GPR39: variants seen among roughly 807,000 people sequenced by gnomAD.
GPR39 encodes the protein zinc sensing receptor.
In GPR39, 23 loss-of-function variants were observed where a neutral mutation model predicts 18.4. The ratio of observed to expected loss-of-function variants is 1.25; its 90% CI spans 0.90 to 1.77. GPR39 has a LOEUF of 1.77. GPR39 is among the 40% of genes most tolerant of loss of function. The pLI is 0.00. For missense variants in GPR39, 647 were observed against 602.4 expected, an observed-to-expected ratio of 1.07 and a Z score of -0.78; for synonymous variants, 280 against 257.9, an observed-to-expected ratio of 1.09 and a Z score of -0.82.
chr2:132,635,956 C>A (rs772347717), intron 1 of GPR39, among the ~76,000 whole-genome samples: 3 of 152,154 alleles, frequency 2.0e-5, no homozygotes, highest in African/African-American at 4.8e-5. Flanking sequence ...AGCACCAAAT[C>A]GGCTGGCACG....
Position 132,554,744 on chromosome 2 carries a change from C to T in GPR39, c.857-90357C>T, listed in dbSNP as rs539070966. On this transcript the variant is annotated intron_variant, in intron 1 of 1. Coordinates refer to ENST00000329321, the MANE Select transcript of GPR39 (RefSeq NM_001508.3). ...GAAAACTTGACTTTGCAGCACGGCT[C>T]ATTTCTCAAAGGATCTGCACAAGCA... Among the ~76,000 whole-genome samples, 38 of 152,276 alleles carry T rather than the reference C, an allele frequency of 2.5e-4. No individual in the cohort carries two copies. In the East Asian group the frequency reaches 7.3e-3, roughly 29 times the overall value.
chr2:132,431,629 T>C (rs1680224997), intron 1 of GPR39, among the ~76,000 whole-genome samples: 1 of 152,176 alleles, frequency 6.6e-6, no homozygotes, highest in African/African-American at 2.4e-5. Flanking sequence ...TGATGTTTTT[T>C]TGAACGAGAG....
Position 132,583,488 on chromosome 2 carries a change from G to A in GPR39, c.857-61613G>A, listed in dbSNP as rs3115007. ...CAATTGAGGTTAATGTCTTTAGGGT[G>A]CCCTCTGAATTCAGAAGTGCTGAGT... On this transcript the variant is annotated intron_variant, in intron 1 of 1. Transcript: ENST00000329321. Among the ~76,000 whole-genome samples, 1,405 of 152,150 alleles carry A rather than the reference G, an allele frequency of 9.2e-3. 30 individuals carry two copies. Among genetic ancestry groups the A allele is most frequent in the African/African-American group, 0.033 (1,352 of 41,498 alleles).
intron 1 of GPR39, among the ~76,000 whole-genome samples, chr2:132,633,669 G>T (rs762019979): frequency 6.6e-6 from 1 of 152,012 alleles, no homozygotes; most frequent in Non-Finnish European, 1.5e-5. Flanking sequence ...AGTACTGATG[G>T]TGGAGGAGGT....
chr2:132,625,961 G>T (rs556547486), intron 1 of GPR39, among the ~76,000 whole-genome samples: 1 of 151,954 alleles, frequency 6.6e-6, no homozygotes, highest in Non-Finnish European at 1.5e-5. Context: ...TTATCTGGGC[G>T]TGGTGGTGGG....
intron 1 of GPR39, among the ~76,000 whole-genome samples, chr2:132,619,830 G>GACACACACACAC (rs59907073): frequency 2.2e-5 from 3 of 138,472 alleles, no homozygotes; most frequent in Non-Finnish European, 3.1e-5. Context: ...CACAGACACA[G>GACACACACACAC]ACACACACAC....
intron 1 of GPR39, among the ~76,000 whole-genome samples, chr2:132,585,413 C>G (rs1215810248): frequency 6.6e-6 from 1 of 152,216 alleles, no homozygotes; most frequent in Non-Finnish European, 1.5e-5. Flanking sequence ...TTGAGCCCTT[C>G]CACATGCATC....
intron 1 of GPR39, among the ~76,000 whole-genome samples, chr2:132,587,653 G>A (rs758360341): frequency 4.6e-5 from 7 of 152,046 alleles, no homozygotes; most frequent in Non-Finnish European, 7.4e-5. Context: ...CTCTGCCTCA[G>A]CCTCCCGAGT....
chr2:132,502,057 C>T (rs1447946339), intron 1 of GPR39, among the ~76,000 whole-genome samples: 1 of 152,126 alleles, frequency 6.6e-6, no homozygotes, highest in East Asian at 1.9e-4. Context: ...TTAAGTGGAG[C>T]ATTTAGGCCA....
chr2:132,598,236 C>T (rs1374716567), intron 1 of GPR39, among the ~76,000 whole-genome samples: 1 of 152,182 alleles, frequency 6.6e-6, no homozygotes, highest in Admixed American at 6.5e-5. Context: ...CTGGCTGCTA[C>T]ATACAGATTG....
At chr2:132,613,561 G>T (rs1340033190) in intron 1 of GPR39, among the ~76,000 whole-genome samples, 1 of 152,206 alleles carries the variant, frequency 6.6e-6, no homozygotes, top group Non-Finnish European at 1.5e-5. Context: ...TTGCAACTTT[G>T]TCTCTCCTGC....
At chr2:132,644,761 A>AT (rs1453500123) in intron 1 of GPR39, 1 of 251,968 alleles carries the variant, frequency 4.0e-6, no homozygotes, top group Admixed American at 5.0e-5. Context: ...ACAAAACCAG[A>AT]TTTATGGATA....
chr2:132,611,751 T>C (rs1429236150), intron 1 of GPR39, among the ~76,000 whole-genome samples: 1 of 152,172 alleles, frequency 6.6e-6, no homozygotes, highest in East Asian at 1.9e-4. Context: ...GGGATGGAGA[T>C]TATACAGTGT....
intron 1 of GPR39, among the ~76,000 whole-genome samples, chr2:132,445,235 G>C (rs1034103113): frequency 6.6e-6 from 1 of 151,986 alleles, no homozygotes; most frequent in East Asian, 1.9e-4. Context: ...ATGTTACATT[G>C]TATATTTTTC....
chr2:132,550,610 G>A (rs986135966), intron 1 of GPR39, among the ~76,000 whole-genome samples: 1 of 152,324 alleles, frequency 6.6e-6, no homozygotes. Flanking sequence ...GAAGAATTTC[G>A]TGAGCTTTTA....
At chr2:132,497,529 C>G (rs1448062360) in intron 1 of GPR39, among the ~76,000 whole-genome samples, 1 of 152,282 alleles carries the variant, frequency 6.6e-6, no homozygotes, top group East Asian at 1.9e-4. Flanking sequence ...ATTCTGTTAC[C>G]TCTCTTGCCC....
At chr2:132,637,658 T>C (rs1681787756) in intron 1 of GPR39, among the ~76,000 whole-genome samples, 1 of 152,210 alleles carries the variant, frequency 6.6e-6, no homozygotes, top group Non-Finnish European at 1.5e-5. Context: ...AGAAAAGTGA[T>C]TGCAAAGTTT....
At chr2:132,496,763 C>A (rs1681649258) in intron 1 of GPR39, among the ~76,000 whole-genome samples, 1 of 152,208 alleles carries the variant, frequency 6.6e-6, no homozygotes, top group Admixed American at 6.5e-5. Context: ...TGCTGGGCTG[C>A]TGGCCTCCTG....
intron 1 of GPR39, among the ~76,000 whole-genome samples, chr2:132,552,023 C>T (rs1680053478): frequency 6.6e-6 from 1 of 152,198 alleles, no homozygotes; most frequent in Admixed American, 6.5e-5. Flanking sequence ...CCCTTTGTAA[C>T]TGTGGGTTCC....
Sources: allele counts gnomAD v4.1 joint callset (sites outside exome capture counted in the v4.1 genomes callset), GRCh38; gene constraint gnomAD v4.1.1; transcripts MANE v1.5; gene names NCBI Gene and HGNC (gene_info 2026-07-23, HGNC 2026-07-21).